The following COP1 variants were observed in gnomAD, a reference collection of about 807,000 sequenced individuals.
COP1 encodes the protein COP1 E3 ubiquitin ligase.
COP1 carries 24 observed loss-of-function variants against 101.3 expected under a neutral mutation model. The ratio of observed to expected loss-of-function variants is 0.24; its 90% CI spans 0.17 to 0.33. The LOEUF (loss-of-function observed/expected upper bound fraction) is 0.33, where lower values mean the gene tolerates loss of function less well. COP1 is among the 10% of genes least tolerant of loss of function. The probability of loss-of-function intolerance (pLI) is 1.00; values close to 1 mark genes in which losing one functional copy is unlikely to be tolerated. For missense variants in COP1, 663 were observed against 906.2 expected (o/e 0.73, Z 3.45); for synonymous variants, 347 against 341.9 (o/e 1.01, Z -0.17).
intron 15 of COP1, among the ~76,000 whole-genome samples, chr1:176,004,088 T>C (rs1662477271): frequency 6.7e-6 from 1 of 149,506 alleles, no homozygotes; most frequent in African/African-American, 2.5e-5. Flanking sequence ...GTTGGATTCC[T>C]AGGTATTTTA....
chr1:176,168,786 G>A (rs1015967876), intron 3 of COP1: 4 of 226,244 alleles, frequency 1.8e-5, no homozygotes, highest in Non-Finnish European at 3.8e-5. Flanking sequence ...GAGAATGAGA[G>A]AAAATGCTGT....
intron 11 of COP1, among the ~76,000 whole-genome samples, chr1:176,070,658 T>A (rs1676832063): frequency 6.6e-6 from 1 of 152,026 alleles, no homozygotes; most frequent in Non-Finnish European, 1.5e-5. Context: ...CAAGACTCCA[T>A]TTCAAAAAAA....
intron 9 of COP1, among the ~76,000 whole-genome samples, chr1:176,094,537 AG>A (rs1681977927): frequency 1.3e-5 from 2 of 152,072 alleles, no homozygotes; most frequent in South Asian, 4.1e-4. Flanking sequence ...CAAATCAAAC[AG>A]AAATATTTAT....
At chr1:176,054,277 T>C (rs943351899) in intron 11 of COP1, among the ~76,000 whole-genome samples, 1 of 151,694 alleles carries the variant, frequency 6.6e-6, no homozygotes, top group African/African-American at 2.4e-5. Context: ...TTCTCCTGCC[T>C]CAGCCTCCCA....
At chr1:176,023,729 A>G (rs1313775517) in intron 15 of COP1, among the ~76,000 whole-genome samples, 2 of 150,990 alleles carry the variant, frequency 1.3e-5, no homozygotes, top group Non-Finnish European at 3.0e-5. Context: ...AAAAAAAAAA[A>G]AAAAAAAAAA....
intron 5 of COP1, among the ~76,000 whole-genome samples, chr1:176,151,495 T>C: frequency 6.6e-6 from 1 of 152,228 alleles, no homozygotes; most frequent in East Asian, 1.9e-4. Context: ...TCCCATCTGG[T>C]TCAGTTAAGC....
chr1:175,997,006 A>T (rs1660328991), intron 15 of COP1, among the ~76,000 whole-genome samples: 1 of 151,328 alleles, frequency 6.6e-6, no homozygotes, highest in South Asian at 2.1e-4. Context: ...CTATACTACA[A>T]GGCTACAGTA....
intron 9 of COP1, among the ~76,000 whole-genome samples, chr1:176,088,391 T>C (rs1043522063): frequency 7.2e-5 from 11 of 152,164 alleles, no homozygotes; most frequent in African/African-American, 2.7e-4. Context: ...ATTATGAGTT[T>C]CTAGAAGTCA....
chr1:175,974,787 C>T (rs531711717), intron 18 of COP1, among the ~76,000 whole-genome samples: 22 of 151,280 alleles, frequency 1.5e-4, no homozygotes, highest in African/African-American at 2.2e-4. Flanking sequence ...AATCTCAGCA[C>T]TTTGGAAGGC....
chr1:176,005,751 T>TAAG (rs1553213129), intron 15 of COP1, among the ~76,000 whole-genome samples: 1 of 149,458 alleles, frequency 6.7e-6, no homozygotes, highest in Non-Finnish European at 1.5e-5. Context: ...TTACATTTGC[T>TAAG]GAGAGCTTTA....
chr1:176,187,805 A>C (rs529772184), intron 1 of COP1, among the ~76,000 whole-genome samples: 2 of 152,256 alleles, frequency 1.3e-5, no homozygotes, highest in Admixed American at 1.3e-4. Flanking sequence ...CAAAAAGAGA[A>C]AATACGGGAA....
At position 176,038,364 on chromosome 1, in the gene COP1, C is replaced by G. The variant is rs184313352; in HGVS notation, c.1612+4822G>C. Among the ~76,000 whole-genome samples the G allele has an allele frequency of 2.1e-3, 319 of 152,188 alleles. 1 individual carries two copies. Among genetic ancestry groups the G allele is most frequent in the African/African-American group, 7.3e-3 (302 of 41,520 alleles). ...AATACAATGGCAATCAAAATCTCAG[C>G]AGGATTTTATGTAGGTACTAGCAAC... On this transcript the variant is annotated intron_variant, in intron 14 of 19. Transcript: ENST00000367669.
intron 14 of COP1, among the ~76,000 whole-genome samples, chr1:176,030,416 A>C (rs1260147564): frequency 6.6e-6 from 1 of 152,152 alleles, no homozygotes; most frequent in Admixed American, 6.6e-5. Flanking sequence ...CCATAACCCC[A>C]CTTATAATCA....
intron 14 of COP1, among the ~76,000 whole-genome samples, chr1:176,033,366 G>A (rs1668958124): frequency 6.6e-6 from 1 of 152,132 alleles, no homozygotes; most frequent in East Asian, 1.9e-4. Flanking sequence ...GGTGGAGGCT[G>A]CAGTGAGCTG....
intron 11 of COP1, among the ~76,000 whole-genome samples, chr1:176,073,134 G>GTTTTTTTCATCTGTAAAATGAGA (rs1677312883): frequency 6.6e-6 from 1 of 151,948 alleles, no homozygotes; most frequent in African/African-American, 2.4e-5. Flanking sequence ...GTAAAATGAG[G>GTTTTTTTCATCTGTAAAATGAGA]TTAATAGCAA....
intron 18 of COP1, among the ~76,000 whole-genome samples, chr1:175,978,457 T>C (rs1655067337): frequency 6.6e-6 from 1 of 152,204 alleles, no homozygotes; most frequent in Non-Finnish European, 1.5e-5. Flanking sequence ...AGAAAATGTA[T>C]ACTTCCTGTA....
chr1:176,056,629 T>G (rs1673545406), intron 11 of COP1, among the ~76,000 whole-genome samples: 1 of 152,196 alleles, frequency 6.6e-6, no homozygotes, highest in Non-Finnish European at 1.5e-5. Flanking sequence ...CAAGCACTGA[T>G]TTGTGGTTTA....
chr1:176,136,663 G>C (rs1460136074), intron 6 of COP1, 116 bp from the exon 7 acceptor site: 2 of 605,488 alleles, frequency 3.3e-6, no homozygotes, highest in African/African-American at 3.8e-5. Flanking sequence ...TATCAAACTT[G>C]GCACTAATGG....
intron 1 of COP1, among the ~76,000 whole-genome samples, chr1:176,199,564 A>C (rs1179686349): frequency 6.6e-6 from 1 of 152,234 alleles, no homozygotes; most frequent in Non-Finnish European, 1.5e-5. Flanking sequence ...AGTTCATGTT[A>C]TATCCATATA....
Sources: gnomAD v4.1 joint callset for allele counts (sites outside exome capture counted in the v4.1 genomes callset) on GRCh38, gnomAD v4.1.1 for gene constraint, MANE v1.5 for transcripts, NCBI Gene and HGNC (gene_info 2026-07-23, HGNC 2026-07-21) for gene names.